The following DTWD2 variants were observed in gnomAD, a reference collection of about 807,000 sequenced individuals.
DTWD2 encodes tRNA-uridine aminocarboxypropyltransferase 2.
In DTWD2, 39 loss-of-function variants were observed where a neutral mutation model predicts 31.8. The ratio of observed to expected loss-of-function variants is 1.22; its 90% CI spans 0.95 to 1.60. DTWD2 has a LOEUF of 1.60. DTWD2 is among the 40% of genes most tolerant of loss of function. The pLI is 0.00. For synonymous variants in DTWD2, 180 were observed against 142.8 expected, an observed-to-expected ratio of 1.26 and a Z score of -1.86; for missense variants, 515 against 381.5, an observed-to-expected ratio of 1.35 and a Z score of -2.92.
chr5:118,938,966 A>G (rs1377801698), intron 3 of DTWD2, among the ~76,000 whole-genome samples: 2 of 152,046 alleles, frequency 1.3e-5, no homozygotes, highest in Non-Finnish European at 2.9e-5. Flanking sequence ...AATTCAGATA[A>G]TGCTATCATT....
intron 1 of DTWD2, among the ~76,000 whole-genome samples, chr5:118,970,346 G>C (rs1444528930): frequency 1.3e-5 from 2 of 152,188 alleles, no homozygotes; most frequent in Non-Finnish European, 2.9e-5. Context: ...AGAATCACTT[G>C]AACCCGGGAG....
At chr5:118,890,114 G>A (rs796609353) in intron 4 of DTWD2, among the ~76,000 whole-genome samples, 3 of 152,272 alleles carry the variant, frequency 2.0e-5, no homozygotes, top group African/African-American at 7.2e-5. Flanking sequence ...CATCTGTTAA[G>A]TAAATGCTAT....
chr5:118,883,624 G>A (rs1752792622), intron 4 of DTWD2, among the ~76,000 whole-genome samples: 1 of 152,144 alleles, frequency 6.6e-6, no homozygotes, highest in South Asian at 2.1e-4. Flanking sequence ...AGGGGAAGTA[G>A]GCACCTCTTA....
intron 4 of DTWD2, among the ~76,000 whole-genome samples, chr5:118,894,608 T>C (rs1335079648): frequency 6.6e-6 from 1 of 151,974 alleles, no homozygotes; most frequent in Middle Eastern, 3.2e-3. Flanking sequence ...TGAACACAAA[T>C]GTAAAAAGTC....
intron 5 of DTWD2, among the ~76,000 whole-genome samples, chr5:118,843,140 A>G (rs1158201846): frequency 6.6e-6 from 1 of 151,822 alleles, no homozygotes; most frequent in Non-Finnish European, 1.5e-5. Flanking sequence ...TATTTTTAGT[A>G]GAGACGGGGT....
At chr5:118,910,606 C>A (rs989553871) in intron 4 of DTWD2, among the ~76,000 whole-genome samples, 13 of 152,152 alleles carry the variant, frequency 8.5e-5, no homozygotes, top group African/African-American at 3.1e-4. Context: ...AGCATGTATG[C>A]CAAATTCTTC....
chr5:118,843,585 A>G (rs1246418153), intron 5 of DTWD2, among the ~76,000 whole-genome samples: 1 of 152,168 alleles, frequency 6.6e-6, no homozygotes, highest in Non-Finnish European at 1.5e-5. Flanking sequence ...CAGGAAACAT[A>G]CCTAGGATGA....
intron 4 of DTWD2, among the ~76,000 whole-genome samples, chr5:118,863,898 G>A (rs1375219985): frequency 6.6e-6 from 1 of 151,738 alleles, no homozygotes; most frequent in Non-Finnish European, 1.5e-5. Flanking sequence ...CTAATAAAAG[G>A]GTTGAACCCA....
chr5:118,926,114 C>T (rs1464009268), intron 4 of DTWD2, among the ~76,000 whole-genome samples: 2 of 152,054 alleles, frequency 1.3e-5, no homozygotes, highest in African/African-American at 2.4e-5. Context: ...TTTATAGCAG[C>T]ACGATTCACA....
At chr5:118,969,722 A>G (rs1338737157) in intron 1 of DTWD2, among the ~76,000 whole-genome samples, 2 of 152,220 alleles carry the variant, frequency 1.3e-5, no homozygotes, top group Non-Finnish European at 2.9e-5. Flanking sequence ...ATAAGCCCAC[A>G]AAGATGAGGA....
At chr5:118,987,984 G>C (rs1755465828) in intron 1 of DTWD2, 1 of 656,040 alleles carries the variant, frequency 1.5e-6, no homozygotes, top group Non-Finnish European at 2.8e-6. Context: ...TATTTTACAA[G>C]TATTACTGTC....
Position 118,973,079 on chromosome 5 carries a change from CTT to C in DTWD2, c.218+15213_218+15214del, listed in dbSNP as rs767993540. Among the ~76,000 whole-genome samples the C allele has an allele frequency of 7.3e-3, 1,025 of 139,936 alleles. 11 individuals carry two copies. Among genetic ancestry groups the C allele is most frequent in the African/African-American group, 0.025 (935 of 37,086 alleles). The allele number at this position is 139,936 out of a possible 152,430, so 91.8% of individuals were successfully genotyped here. A position where few individuals can be genotyped will look rare whatever the true frequency, so the allele number is the denominator to read the frequency against. On this transcript the variant is annotated intron_variant, in intron 1 of 5. Coordinates refer to ENST00000510708, the MANE Select transcript of DTWD2 (RefSeq NM_173666.4). ...TATCAGAAACTAGGATTGCAACCCC[CTT>C]TTTTTTTTTTTTTTTTGGCTTTCCA...
At chr5:118,923,146 T>C (rs896455357) in intron 4 of DTWD2, among the ~76,000 whole-genome samples, 3 of 152,160 alleles carry the variant, frequency 2.0e-5, no homozygotes, top group African/African-American at 7.2e-5. Context: ...ACCTTATAAA[T>C]TGTACCTCAT....
At chr5:118,955,535 T>C (rs1477622998) in intron 1 of DTWD2, among the ~76,000 whole-genome samples, 7 of 152,246 alleles carry the variant, frequency 4.6e-5, no homozygotes, top group Non-Finnish European at 8.8e-5. Flanking sequence ...TTCAAATATT[T>C]ACTGCATACC....
intron 1 of DTWD2, among the ~76,000 whole-genome samples, chr5:118,951,146 T>A (rs185488221): frequency 6.6e-6 from 1 of 152,086 alleles, no homozygotes; most frequent in Admixed American, 6.6e-5. Context: ...GACACCTCTT[T>A]AAGAGGAAAT....
chr5:118,859,291 T>A lies in DTWD2; in HGVS notation c.598-11073A>T, dbSNP rs1474471794. 2.6e-5 allele frequency among the ~76,000 whole-genome samples: 4 copies of A among 151,844 alleles called. No homozygotes were observed. The East Asian group carries it at 7.7e-4, about 29-fold the overall frequency. ...AGGCAGGATAAATAAAGAGAAAGAA[T>A]CACATATTCATTATTTTCAGATTAA... On this transcript the variant is annotated intron_variant, in intron 4 of 5. Transcript: ENST00000510708.
chr5:118,943,550 CAAA>C (rs1270693139), intron 2 of DTWD2, among the ~76,000 whole-genome samples: 1 of 63,942 alleles, frequency 1.6e-5, no homozygotes. Flanking sequence ...GACTCCGTCT[CAAA>C]AAAAAAAAAA....
chr5:118,929,986 T>A (rs974635633), intron 3 of DTWD2, among the ~76,000 whole-genome samples: 11 of 152,226 alleles, frequency 7.2e-5, no homozygotes, highest in African/African-American at 2.4e-4. Flanking sequence ...GTTTTTGCCA[T>A]AATAACCAGC....
At chr5:118,897,382 G>C (rs926026739) in intron 4 of DTWD2, among the ~76,000 whole-genome samples, 1 of 152,180 alleles carries the variant, frequency 6.6e-6, no homozygotes, top group Non-Finnish European at 1.5e-5. Flanking sequence ...TAGTCACCTA[G>C]GCACCCTTTG....
Sources: allele counts gnomAD v4.1 joint callset (sites outside exome capture counted in the v4.1 genomes callset), GRCh38; gene constraint gnomAD v4.1.1; transcripts MANE v1.5; gene names NCBI Gene and HGNC (gene_info 2026-07-23, HGNC 2026-07-21).